Variants in KCNE1 observed in about 807,000 individuals in gnomAD.
The protein encoded by KCNE1 is potassium voltage-gated channel subfamily E member 1.
Under a neutral mutation model 2.9 loss-of-function variants are expected in KCNE1, and 1 was observed. The ratio of observed to expected loss-of-function variants is 0.34; its 90% CI spans 0.12 to 1.62. The LOEUF (loss-of-function observed/expected upper bound fraction) is 1.62, where lower values mean the gene tolerates loss of function less well. Among genes scored for constraint, KCNE1 ranks in the 40% most tolerant of loss-of-function variants. The probability of loss-of-function intolerance (pLI) is 0.36; values close to 1 mark genes in which losing one functional copy is unlikely to be tolerated. For missense variants in KCNE1, 45 were observed against 150.5 expected, an observed-to-expected ratio of 0.30 and a Z score of 3.67; for synonymous variants, 23 against 65.4, an observed-to-expected ratio of 0.35 and a Z score of 3.13.
intron 3 of KCNE1, among the ~76,000 whole-genome samples, chr21:34,451,450 C>T (rs933983536): frequency 1.2e-5 from 1 of 81,418 alleles, no homozygotes; most frequent in Admixed American, 1.3e-4. Context: ...TGGCCAGAAT[C>T]GCTATGGAAA....
At chr21:34,499,393 C>T (rs948022188) in intron 2 of KCNE1, among the ~76,000 whole-genome samples, 1 of 152,222 alleles carries the variant, frequency 6.6e-6, no homozygotes, top group African/African-American at 2.4e-5. Flanking sequence ...GCTTTGCACT[C>T]CTATCTGTAG....
intron 2 of KCNE1, among the ~76,000 whole-genome samples, chr21:34,499,215 T>A (rs1568860384): frequency 6.6e-6 from 1 of 152,144 alleles, no homozygotes; most frequent in South Asian, 2.1e-4. Flanking sequence ...ACACAGTTGG[T>A]GGGGCCGATC....
intron 2 of KCNE1, among the ~76,000 whole-genome samples, chr21:34,508,497 C>G (rs1451322077): frequency 6.6e-6 from 1 of 152,134 alleles, no homozygotes; most frequent in Non-Finnish European, 1.5e-5. Context: ...CGCACACCAT[C>G]ACACTCGGCT....
intron 2 of KCNE1, among the ~76,000 whole-genome samples, chr21:34,504,442 G>A (rs964072960): frequency 6.6e-6 from 1 of 152,240 alleles, no homozygotes; most frequent in Non-Finnish European, 1.5e-5. Context: ...AGGATGTGGA[G>A]AGATCAGAAC....
At chr21:34,510,052 A>G (rs1046191947) in intron 2 of KCNE1, 2 of 152,238 alleles carry the variant, frequency 1.3e-5, no homozygotes, top group Non-Finnish European at 1.5e-5. Context: ...GCACTGTCCC[A>G]CAGTAGTACG....
intron 2 of KCNE1, among the ~76,000 whole-genome samples, chr21:34,503,089 T>G (rs1448681307): frequency 1.3e-5 from 2 of 152,170 alleles, no homozygotes; most frequent in Admixed American, 1.3e-4. Context: ...TCCCACAGGG[T>G]GAGGGCTTAG....
intron 2 of KCNE1, among the ~76,000 whole-genome samples, chr21:34,503,328 GGA>G (rs1983278976): frequency 6.6e-6 from 1 of 152,224 alleles, no homozygotes; most frequent in South Asian, 2.1e-4. Context: ...GGGAGGCACA[GGA>G]TGAGGTATGT....
At chr21:34,502,920 C>T (rs1983254641) in intron 2 of KCNE1, among the ~76,000 whole-genome samples, 1 of 152,236 alleles carries the variant, frequency 6.6e-6, no homozygotes, top group African/African-American at 2.4e-5. Flanking sequence ...GCTTTCCCTA[C>T]TCTTTGTTCT....
At chr21:34,506,164 C>T (rs1053386685) in intron 2 of KCNE1, among the ~76,000 whole-genome samples, 2 of 152,118 alleles carry the variant, frequency 1.3e-5, no homozygotes, top group African/African-American at 2.4e-5. Flanking sequence ...TATTGCAGGC[C>T]GGGAACTCAG....
At chr21:34,496,068 C>T (rs11700954) in intron 2 of KCNE1, among the ~76,000 whole-genome samples, 49,202 of 151,614 alleles carry the variant, frequency 0.32, 8,592 homozygotes, top group East Asian at 0.73. Context: ...AGAGGTTCAG[C>T]TCAAATACTT....
At chr21:34,506,194 G>A (rs77125347) in intron 2 of KCNE1, among the ~76,000 whole-genome samples, 136 of 152,284 alleles carry the variant, frequency 8.9e-4, no homozygotes, top group Non-Finnish European at 1.4e-3. Context: ...CTCTGTCCCA[G>A]CTCTTCAAGT....
At chr21:34,508,850 A>G (rs1249211501) in intron 2 of KCNE1, among the ~76,000 whole-genome samples, 1 of 152,182 alleles carries the variant, frequency 6.6e-6, no homozygotes, top group Non-Finnish European at 1.5e-5. Flanking sequence ...TTTCTTTACT[A>G]CAGTAGTATA....
chr21:34,508,146 C>T (rs1983613300), intron 2 of KCNE1, among the ~76,000 whole-genome samples: 1 of 151,690 alleles, frequency 6.6e-6, no homozygotes, highest in Non-Finnish European at 1.5e-5. Context: ...CCCACCTCAG[C>T]CTCCAGATTA....
At chr21:34,507,562 A>G (rs1463783797) in intron 2 of KCNE1, among the ~76,000 whole-genome samples, 2 of 152,224 alleles carry the variant, frequency 1.3e-5, no homozygotes, top group African/African-American at 4.8e-5. Flanking sequence ...GTCAGCCTCA[A>G]ATATCTTTCC....
At chr21:34,496,718 A>C (rs563223072) in intron 2 of KCNE1, among the ~76,000 whole-genome samples, 15 of 151,992 alleles carry the variant, frequency 9.9e-5, no homozygotes, top group Admixed American at 6.6e-4. Flanking sequence ...TTCTTTGTTG[A>C]CTTCCTGTCT....
chr21:34,511,384 T>C, intron 1 of KCNE1, 69 bp from the exon 2 acceptor site: 1 of 793,356 alleles, frequency 1.3e-6, no homozygotes. Flanking sequence ...TGGGACCTAA[T>C]GGGAGGTGTT....
chr21:34,499,193 C>T lies in KCNE1; in HGVS notation c.-162+11908G>A, dbSNP rs531004983. 5.9e-5 allele frequency among the ~76,000 whole-genome samples: 9 copies of T among 152,290 alleles called. No homozygotes were observed. In the East Asian group the frequency reaches 1.7e-3, roughly 29 times the overall value. On this transcript the variant is annotated intron_variant, in intron 2 of 3. Coordinates refer to ENST00000399286, the MANE Select transcript of KCNE1 (RefSeq NM_000219.6). ...GGAAGTAGGGGAAAGCAATAGGCCT[C>T]ACCCAGCTCCCACACAGTTGGTGGG... is the stretch of plus-strand genomic sequence containing the variant.
chr21:34,500,755 T>C (rs931642481), intron 2 of KCNE1, among the ~76,000 whole-genome samples: 3 of 152,236 alleles, frequency 2.0e-5, no homozygotes, highest in Admixed American at 6.5e-5. Flanking sequence ...ATTTGGCCTT[T>C]TCTACTAACA....
At chr21:34,498,760 G>A (rs1045896933) in intron 2 of KCNE1, among the ~76,000 whole-genome samples, 1 of 152,254 alleles carries the variant, frequency 6.6e-6, no homozygotes, top group Non-Finnish European at 1.5e-5. Context: ...GGAATTAGCT[G>A]TTGTTTTCTC....
Sources: allele counts gnomAD v4.1 joint callset (sites outside exome capture counted in the v4.1 genomes callset), GRCh38; gene constraint gnomAD v4.1.1; transcripts MANE v1.5; gene names NCBI Gene and HGNC (gene_info 2026-07-23, HGNC 2026-07-21).